Variants in C5 observed in about 807,000 individuals in gnomAD.
C5 encodes the protein C3 and PZP-like alpha-2-macroglobulin domain-containing protein 4.
Under a neutral mutation model 218.8 loss-of-function variants are expected in C5, and 140 were observed. The ratio of observed to expected loss-of-function variants is 0.64; its 90% CI spans 0.56 to 0.74. The LOEUF (loss-of-function observed/expected upper bound fraction) is 0.74, where lower values mean the gene tolerates loss of function less well. Ranked by LOEUF, C5 falls within the 30% of genes least tolerant of loss-of-function variation. C5 has a pLI of 0.00. For synonymous variants in C5, 614 were observed against 682.3 expected (o/e 0.90, Z 1.56); for missense variants, 1,700 against 1,969.6 (o/e 0.86, Z 2.59).
chr9:121,039,972 G>A (rs187911615), intron 3 of C5, among the ~76,000 whole-genome samples: 176 of 152,342 alleles, frequency 1.2e-3, no homozygotes, highest in African/African-American at 3.9e-3. Flanking sequence ...ATTATGCTAC[G>A]TACTGAGATA....
intron 20 of C5, among the ~76,000 whole-genome samples, chr9:121,002,150 A>G (rs1044760503): frequency 6.8e-6 from 1 of 147,970 alleles, no homozygotes; most frequent in East Asian, 1.9e-4. Flanking sequence ...GTATGTATAT[A>G]TGTATAGATA....
At chr9:121,041,540 T>C (rs971004134) in intron 3 of C5, among the ~76,000 whole-genome samples, 1 of 151,926 alleles carries the variant, frequency 6.6e-6, no homozygotes, top group Non-Finnish European at 1.5e-5. Context: ...CCTGACCTTG[T>C]GATCCCCCCA....
chr9:120,990,584 T>A (rs1172510390), intron 23 of C5, among the ~76,000 whole-genome samples: 1 of 152,170 alleles, frequency 6.6e-6, no homozygotes, highest in Non-Finnish European at 1.5e-5. Context: ...CACCCCTTTT[T>A]GCCCTTTTGC....
At chr9:121,072,875 T>C in the C5 span, among the ~76,000 whole-genome samples, 1 of 151,492 alleles carries the variant, frequency 6.6e-6, no homozygotes, top group Admixed American at 6.6e-5. Flanking sequence ...AAGTGGAGCT[T>C]TTCAAAAATT....
intron 31 of C5, 82 bp from the exon 32 acceptor site, chr9:120,970,333 G>C (rs936315245): frequency 1.2e-6 from 1 of 862,112 alleles, no homozygotes; most frequent in African/African-American, 1.7e-5. Context: ...TGCTGCTGCA[G>C]ATGGGATGCT....
chr9:120,954,391 A>G (rs897663996), intron 39 of C5, among the ~76,000 whole-genome samples: 1 of 152,256 alleles, frequency 6.6e-6, no homozygotes, highest in Non-Finnish European at 1.5e-5. Flanking sequence ...AAAGATAGTA[A>G]TTTTGGGATT....
At chr9:120,966,563 G>C (rs948902769) in intron 33 of C5, among the ~76,000 whole-genome samples, 1 of 152,104 alleles carries the variant, frequency 6.6e-6, no homozygotes, top group East Asian at 1.9e-4. Flanking sequence ...GCACTGATTC[G>C]AGCTCTGCCC....
chr9:120,975,745 C>T (rs1240168760), intron 29 of C5, among the ~76,000 whole-genome samples: 3 of 152,156 alleles, frequency 2.0e-5, no homozygotes, highest in African/African-American at 7.2e-5. Flanking sequence ...GGACCCAGAA[C>T]CATGAGGTAA....
In C5 at chr9:120,999,452, T is replaced by C. The variant is rs112177713; in HGVS notation, c.2563-1678A>G. Among the ~76,000 whole-genome samples the C allele has an allele frequency of 3.3e-3, 501 of 152,318 alleles. 2 individuals are homozygous for C. The highest frequency in any genetic ancestry group is 5.2e-3 in the Non-Finnish European group (352 of 68,030). On this transcript the variant is annotated intron_variant, in intron 20 of 40. Coordinates refer to ENST00000223642, the MANE Select transcript of C5 (RefSeq NM_001735.3). ...AGGAACTAGAGGACAAAGTAGGGAA[T>C]AGTTACCACAGCTGAATAGTGAAGG...
chr9:120,992,918 G>A (rs958804948), intron 22 of C5, among the ~76,000 whole-genome samples: 1 of 152,154 alleles, frequency 6.6e-6, no homozygotes, highest in African/African-American at 2.4e-5. Flanking sequence ...AAGGCTTGTT[G>A]TTGCTCAAAG....
chr9:121,028,343 C>T (rs10985131), intron 7 of C5, among the ~76,000 whole-genome samples: 78,578 of 152,082 alleles, frequency 0.52, 22,631 homozygotes, highest in South Asian at 0.8. Flanking sequence ...TCCATTACTG[C>T]GTATATACCC....
rs149851853 is a variant in C5, at chr9:121,048,495, C to T, written c.65+1687G>A. 1.5e-3 allele frequency among the ~76,000 whole-genome samples: 229 copies of T among 152,328 alleles called. 1 individual carries two copies. The highest frequency in any genetic ancestry group is 2.7e-3 in the Non-Finnish European group (185 of 68,022). On this transcript the variant is annotated intron_variant, in intron 1 of 40. Transcript: ENST00000223642. Reference sequence around the variant, plus strand: ...CTGATGATCTGAAGTGGAACAGTTTCATTCTGAAACCATCCCCACCCCAAT... The same window carrying T: ...CTGATGATCTGAAGTGGAACAGTTTTATTCTGAAACCATCCCCACCCCAAT...
chr9:120,998,336 C>T (rs541488560), intron 20 of C5, among the ~76,000 whole-genome samples: 6 of 152,178 alleles, frequency 3.9e-5, no homozygotes, highest in Non-Finnish European at 7.4e-5. Context: ...TAGACTGTTA[C>T]GTACTAAATT....
In C5 at chr9:121,016,410, A is replaced by T. The variant is rs41309850; in HGVS notation, c.1867-27T>A. 1.2e-5 allele frequency: 19 copies of T among 1,613,450 alleles called. No individual in the cohort carries two copies. The Admixed American group carries it at 1.3e-4, about 11-fold the overall frequency. On this transcript the variant is annotated intron_variant, in intron 14 of 40. Transcript: ENST00000223642. ...TGTCCAGAAAGGCAAAATGTTGAGC[A>T]CATTGAGATGTATAAATCATTCCTC...
rs758205218 is a variant in C5 at position 120,961,532 on chromosome 9, T to C, written c.4538A>G (p.Asn1513Ser). The C allele has an allele frequency of 1.6e-5, 26 of 1,612,946 alleles. No homozygotes were observed. Among genetic ancestry groups the C allele is most frequent in the Non-Finnish European group, 2.2e-5 (26 of 1,179,050 alleles). The change falls in exon 37 of 41, where the codon AAT becomes AGT. Residue 1513 changes from asparagine to serine, a missense_variant. Transcript: ENST00000223642. Reference protein sequence around the residue: ...KQCTMFYSTSNIKIQKVCEGA... With the variant: ...KQCTMFYSTSSIKIQKVCEGA... ...TTCACAGACTTTCTGAATTTTGATA[T>C]TGGAAGTGCTATAAAACATGGTACA...
intron 37 of C5, among the ~76,000 whole-genome samples, chr9:120,960,772 C>T (rs41313597): frequency 0.045 from 6,905 of 152,274 alleles, 229 homozygotes; most frequent in Middle Eastern, 0.092. Flanking sequence ...AAAGATTGGA[C>T]ACCCCTGGCA....
chr9:121,064,049 A>G, the C5 span, among the ~76,000 whole-genome samples: 1 of 149,626 alleles, frequency 6.7e-6, no homozygotes, highest in African/African-American at 2.5e-5. Context: ...TTGACCTATG[A>G]CCCCCATCTC....
intron 28 of C5, chr9:120,979,838 C>T (rs2046978754): frequency 4.4e-6 from 2 of 453,954 alleles, no homozygotes; most frequent in Admixed American, 3.3e-5. Context: ...ACGATCATGC[C>T]ACTGCACTCC....
At chr9:120,962,518 C>T (rs1943193725) in intron 36 of C5, among the ~76,000 whole-genome samples, 153 bp downstream of exon 36, 4 of 152,090 alleles carry the variant, frequency 2.6e-5, no homozygotes. Flanking sequence ...ATTTTGTATG[C>T]AGTAGTTTTG....
Sources: allele counts gnomAD v4.1 joint callset (sites outside exome capture counted in the v4.1 genomes callset), GRCh38; gene constraint gnomAD v4.1.1; transcripts MANE v1.5; gene names NCBI Gene and HGNC (gene_info 2026-07-23, HGNC 2026-07-21).